RGS18: variants seen among roughly 807,000 people sequenced by gnomAD.
RGS18 encodes the protein regulator of G-protein signaling 18.
Under a neutral mutation model 27.6 loss-of-function variants are expected in RGS18, and 22 were observed. The ratio of observed to expected loss-of-function variants is 0.80; its 90% CI spans 0.57 to 1.14. The LOEUF is 1.14. Among genes scored for constraint, RGS18 ranks in the 50% most tolerant of loss-of-function variants. RGS18 has a pLI of 0.00. For missense variants in RGS18, 299 were observed against 269.6 expected, an observed-to-expected ratio of 1.11 and a Z score of -0.76; for synonymous variants, 89 against 84.6, an observed-to-expected ratio of 1.05 and a Z score of -0.29.
intron 3 of RGS18, among the ~76,000 whole-genome samples, chr1:192,179,849 GTGTTACAC>G (rs1266914697): frequency 1.3e-5 from 2 of 151,596 alleles, no homozygotes; most frequent in Admixed American, 1.3e-4. Flanking sequence ...AGGGCAACAT[GTGTTACAC>G]TTGTAACTTT....
At chr1:192,176,752 T>C (rs1656365387) in intron 3 of RGS18, among the ~76,000 whole-genome samples, 1 of 151,642 alleles carries the variant, frequency 6.6e-6, no homozygotes, top group Admixed American at 6.6e-5. Context: ...AGTTATTCAG[T>C]GGGGAGTTCA....
At chr1:192,159,615 AAG>A (rs1455808178) in intron 2 of RGS18, among the ~76,000 whole-genome samples, 4 of 152,194 alleles carry the variant, frequency 2.6e-5, no homozygotes, top group African/African-American at 9.6e-5. Context: ...TCATTAATTT[AAG>A]AGTTTTCACA....
At chr1:192,182,037 T>A (rs1656465601) in intron 4 of RGS18, among the ~76,000 whole-genome samples, 1 of 151,634 alleles carries the variant, frequency 6.6e-6, no homozygotes, top group Non-Finnish European at 1.5e-5. Flanking sequence ...TTCTTTGTTT[T>A]TTAATAACTC....
chr1:192,158,645 C>A lies in RGS18; in HGVS notation c.8C>A (p.Thr3Lys), dbSNP rs752703300. Reference sequence around the variant, plus strand: ...CTTCATTTTAGAGAGAAGATGGAAACAACATTGCTTTTCTTTTCTCAAATA... The same window carrying A: ...CTTCATTTTAGAGAGAAGATGGAAAAAACATTGCTTTTCTTTTCTCAAATA... ME[T>K]TLLFFSQINM... Residue 3 changes from threonine to lysine, a missense_variant, in exon 1 of 5, where the codon ACA (threonine) becomes AAA (lysine). Transcript: ENST00000367460. 6 of 1,559,678 alleles carry A rather than the reference C, an allele frequency of 3.8e-6. No homozygotes were observed. In the African/African-American group the frequency reaches 7.0e-5, roughly 18 times the overall value.
chr1:192,163,882 C>CT (rs1423526662), intron 3 of RGS18, among the ~76,000 whole-genome samples: 4 of 138,840 alleles, frequency 2.9e-5, no homozygotes, highest in Non-Finnish European at 3.2e-5. Flanking sequence ...TTTTTTTTTT[C>CT]TTTTTTTTAA....
At position 192,160,507 on chromosome 1, in the gene RGS18, A is replaced by C. The variant is rs1278153148; in HGVS notation, c.283+68A>C. On this transcript the variant is annotated intron_variant, in intron 3 of 4. Coordinates refer to ENST00000367460, the MANE Select transcript of RGS18 (RefSeq NM_130782.3). ...AATTACACAAACTATGCATGTAATT[A>C]TCCGAAACAATAGGTCACAAAATTT... The C allele has an allele frequency of 1.0e-5, 12 of 1,144,796 alleles. 1 individual carries two copies. The African/African-American group carries it at 1.8e-4, about 17-fold the overall frequency. The allele number at this position is 1,144,796 out of a possible 1,614,324, so 70.9% of individuals were successfully genotyped here.
chr1:192,164,148 A>C (rs1299631645), intron 3 of RGS18, among the ~76,000 whole-genome samples: 2 of 152,154 alleles, frequency 1.3e-5, no homozygotes, highest in African/African-American at 4.8e-5. Flanking sequence ...ACTGATTATT[A>C]GCAGTTTTAG....
At chr1:192,165,023 A>T (rs1430334808) in intron 3 of RGS18, among the ~76,000 whole-genome samples, 1 of 152,196 alleles carries the variant, frequency 6.6e-6, no homozygotes, top group African/African-American at 2.4e-5. Context: ...CGGGCAGGAC[A>T]GTCATATTTC....
chr1:192,178,928 T>C (rs577819920), intron 3 of RGS18, among the ~76,000 whole-genome samples: 5 of 151,594 alleles, frequency 3.3e-5, no homozygotes, highest in African/African-American at 1.2e-4. Context: ...TAAAGTACAG[T>C]TGAAGTTCAG....
chr1:192,158,598 G>A lies in RGS18; in HGVS notation c.-40G>A, dbSNP rs185430274. Reference sequence around the variant, plus strand: ...TAGTATTAATAAATGAACTAGGGAAGGATGTAATAAATTAGACATCTCTTC... The same window carrying A: ...TAGTATTAATAAATGAACTAGGGAAAGATGTAATAAATTAGACATCTCTTC... On this transcript the variant is annotated 5_prime_UTR_variant, in exon 1 of 5. Transcript: ENST00000367460. 3.2e-3 allele frequency: 4,714 copies of A among 1,487,546 alleles called. 14 individuals carry two copies. The highest frequency in any genetic ancestry group is 3.7e-3 in the Non-Finnish European group (4,145 of 1,111,780). 92.1% of individuals were successfully genotyped at this position (1,487,546 alleles called of 1,614,324 possible). A position where few individuals can be genotyped will look rare whatever the true frequency, so the allele number is the denominator to read the frequency against.
In RGS18 at chr1:192,158,505, C is replaced by T. The variant is rs765492164; in HGVS notation, c.-133C>T. 3.4e-5 allele frequency: 27 copies of T among 789,696 alleles called. No homozygotes were observed. The highest frequency in any genetic ancestry group is 4.8e-5 in the Non-Finnish European group (27 of 563,216). 48.9% of individuals were successfully genotyped at this position (789,696 alleles called of 1,614,324 possible). A position where few individuals can be genotyped will look rare whatever the true frequency, so the allele number is the denominator to read the frequency against. On this transcript the variant is annotated 5_prime_UTR_variant, in exon 1 of 5. Transcript: ENST00000367460. ...AGACAGAAAGAAACGCAGCTCTTGA[C>T]TTCTTTTTTGTAAACATTACTGTAA...
At position 192,164,224 on chromosome 1, in the gene RGS18, C is replaced by T. The variant is rs548710239; in HGVS notation, c.283+3785C>T. Among the ~76,000 whole-genome samples, 109 of 151,944 alleles carry T rather than the reference C, an allele frequency of 7.2e-4. 1 individual carries two copies. The highest frequency in any genetic ancestry group is 1.5e-3 in the East Asian group (8 of 5,170). Reference sequence around the variant, plus strand: ...AGGGGATTAATCAAAATTCACTAGCCGAACAAGGACAGAAGGAGACCATCC... The same window carrying T: ...AGGGGATTAATCAAAATTCACTAGCTGAACAAGGACAGAAGGAGACCATCC... On this transcript the variant is annotated intron_variant, in intron 3 of 4. Coordinates refer to ENST00000367460, the MANE Select transcript of RGS18 (RefSeq NM_130782.3).
At chr1:192,161,985 T>A (rs1656081732) in intron 3 of RGS18, among the ~76,000 whole-genome samples, 1 of 152,224 alleles carries the variant, frequency 6.6e-6, no homozygotes, top group Non-Finnish European at 1.5e-5. Flanking sequence ...AAACTTTCCC[T>A]CTGCCAATGA....
At position 192,184,680 on chromosome 1, in the gene RGS18, T is replaced by G; in HGVS notation, c.*126T>G. 1.0e-6 allele frequency: 1 copy of G among 964,630 alleles called. No homozygotes were observed. The allele number at this position is 964,630 out of a possible 1,614,324, so 59.8% of individuals were successfully genotyped here. A position where few individuals can be genotyped will look rare whatever the true frequency, so the allele number is the denominator to read the frequency against. Reference sequence around the variant, plus strand: ...ATGTCATGTGAAATTATTTTAAAAATGTAAAAACAAAACTTTCTGCTAACA... The same window carrying G: ...ATGTCATGTGAAATTATTTTAAAAAGGTAAAAACAAAACTTTCTGCTAACA... On this transcript the variant is annotated 3_prime_UTR_variant, in exon 5 of 5. Transcript: ENST00000367460.
At chr1:192,172,457 G>A (rs980332270) in intron 3 of RGS18, among the ~76,000 whole-genome samples, 3 of 151,904 alleles carry the variant, frequency 2.0e-5, no homozygotes, top group African/African-American at 7.2e-5. Context: ...GCATATGCCA[G>A]CAGGCTTCTT....
intron 3 of RGS18, among the ~76,000 whole-genome samples, chr1:192,167,235 A>T (rs543812051): frequency 1.3e-5 from 2 of 152,278 alleles, no homozygotes; most frequent in South Asian, 4.1e-4. Context: ...TTGAGTAAAG[A>T]CTACAAGGAA....
intron 3 of RGS18, among the ~76,000 whole-genome samples, chr1:192,165,570 T>A (rs867468207): frequency 1.2e-4 from 19 of 152,110 alleles, no homozygotes; most frequent in African/African-American, 4.3e-4. Flanking sequence ...AGCTTTAAAA[T>A]TTCTCTCTTT....
chr1:192,178,141 T>C (rs1287527321), intron 3 of RGS18, among the ~76,000 whole-genome samples: 2 of 151,564 alleles, frequency 1.3e-5, no homozygotes, highest in African/African-American at 4.8e-5. Flanking sequence ...TTATCAGCTA[T>C]GTGTGAGATA....
chr1:192,178,374 A>G (rs1656392991), intron 3 of RGS18, among the ~76,000 whole-genome samples: 1 of 151,668 alleles, frequency 6.6e-6, no homozygotes, highest in African/African-American at 2.4e-5. Flanking sequence ...AAGTTCTAAG[A>G]ATCATCTGCA....
Sources: allele counts gnomAD v4.1 joint callset (sites outside exome capture counted in the v4.1 genomes callset), GRCh38; gene constraint gnomAD v4.1.1; transcripts MANE v1.5; gene names NCBI Gene and HGNC (gene_info 2026-07-23, HGNC 2026-07-21).